Variants in DDHD1 observed in about 807,000 individuals in gnomAD.
The protein encoded by DDHD1 is phospholipase DDHD1.
Under a neutral mutation model 96.4 loss-of-function variants are expected in DDHD1, and 49 were observed. The ratio of observed to expected loss-of-function variants is 0.51; its 90% CI spans 0.40 to 0.64. DDHD1 has a LOEUF of 0.64. Among genes scored for constraint, DDHD1 ranks in the 30% least tolerant of loss-of-function variants. The probability of loss-of-function intolerance (pLI) is 0.00; values close to 1 mark genes in which losing one functional copy is unlikely to be tolerated. For synonymous variants in DDHD1, 442 were observed against 446.5 expected (o/e 0.99, Z 0.13); for missense variants, 1,106 against 1,161.2 (o/e 0.95, Z 0.69).
intron 2 of DDHD1, among the ~76,000 whole-genome samples, chr14:53,095,672 C>T (rs2139689701): frequency 6.6e-6 from 1 of 152,198 alleles, no homozygotes; most frequent in African/African-American, 2.4e-5. Flanking sequence ...AATAAAAGAG[C>T]TTTTCATAAA....
At chr14:53,068,395 C>T (rs777172790) in intron 6 of DDHD1, among the ~76,000 whole-genome samples, 1 of 151,894 alleles carries the variant, frequency 6.6e-6, no homozygotes, top group Non-Finnish European at 1.5e-5. Flanking sequence ...ACAGCCCAAA[C>T]CACCATACAT....
intron 1 of DDHD1, among the ~76,000 whole-genome samples, chr14:53,150,394 G>A (rs1416779460): frequency 6.6e-6 from 1 of 152,152 alleles, no homozygotes; most frequent in East Asian, 1.9e-4. Context: ...TTCTAGCTAA[G>A]TGGCCTTGGA....
intron 4 of DDHD1, among the ~76,000 whole-genome samples, chr14:53,084,332 T>C (rs999009515): frequency 2.6e-5 from 4 of 152,158 alleles, no homozygotes; most frequent in African/African-American, 9.7e-5. Flanking sequence ...AAATCCTGCT[T>C]TTGGCTTAAG....
intron 1 of DDHD1, chr14:53,150,182 A>G (rs997787660): frequency 6.6e-6 from 1 of 152,100 alleles, no homozygotes; most frequent in Non-Finnish European, 1.5e-5. Flanking sequence ...GCAGTTTCAG[A>G]CCTGTGTCCT....
intron 4 of DDHD1, among the ~76,000 whole-genome samples, chr14:53,081,432 GC>G (rs1224628870): frequency 6.6e-6 from 1 of 152,202 alleles, no homozygotes; most frequent in African/African-American, 2.4e-5. Context: ...TGGTACATGT[GC>G]TGCTGTTTGA....
rs142692186 is a variant in DDHD1, at chr14:53,110,573, G to A, written c.839-6717C>T. ...ATTTCACTGAAATAATTCTGTACAT[G>A]TCTGTCAGTATTTTTCTTAACTGTA... On this transcript the variant is annotated intron_variant, in intron 1 of 12. Transcript: ENST00000673822. 1.6e-3 allele frequency among the ~76,000 whole-genome samples: 246 copies of A among 152,214 alleles called. 3 individuals are homozygous for A. The highest frequency in any genetic ancestry group is 1.6e-3 in the Non-Finnish European group (110 of 68,008).
At chr14:53,103,595 T>A (rs1020090038) in intron 2 of DDHD1, 88 bp downstream of exon 2, 2 of 1,106,072 alleles carry the variant, frequency 1.8e-6, no homozygotes, top group East Asian at 5.5e-5. Flanking sequence ...ACCTCCTGAA[T>A]TATTATGTCA....
chr14:53,148,907 A>G (rs770202839), intron 1 of DDHD1, among the ~76,000 whole-genome samples: 81 of 152,372 alleles, frequency 5.3e-4, no homozygotes, highest in Non-Finnish European at 1.1e-3. Context: ...AGGATGTTAC[A>G]TATAATAATC....
chr14:53,087,196 C>G (rs1054679308), intron 4 of DDHD1, among the ~76,000 whole-genome samples: 1 of 151,822 alleles, frequency 6.6e-6, no homozygotes, highest in African/African-American at 2.4e-5. Context: ...ACTTAGACTC[C>G]CATAGAATAA....
chr14:53,081,380 T>C (rs557744121), intron 4 of DDHD1, among the ~76,000 whole-genome samples: 1 of 152,368 alleles, frequency 6.6e-6, no homozygotes, highest in African/African-American at 2.4e-5. Flanking sequence ...TTGATGGCTG[T>C]GTAGTTCTTA....
At chr14:53,061,058 G>T in intron 8 of DDHD1, 68 bp downstream of exon 8, 1 of 1,313,832 alleles carries the variant, frequency 7.6e-7, no homozygotes, top group Non-Finnish European at 1.1e-6. Context: ...AATCCTAAAG[G>T]CATATTTCAC....
chr14:53,048,689 C>T (rs1367922418), intron 12 of DDHD1: 1 of 152,118 alleles, frequency 6.6e-6, no homozygotes, highest in Non-Finnish European at 1.5e-5. Flanking sequence ...AATAACAAGT[C>T]AGAAATAGCT....
At chr14:53,091,711 T>A in intron 4 of DDHD1, 74 bp downstream of exon 4, 1 of 1,467,816 alleles carries the variant, frequency 6.8e-7, no homozygotes, top group Non-Finnish European at 9.3e-7. Flanking sequence ...TAGTATACTG[T>A]TAATATCTCT....
intron 6 of DDHD1, among the ~76,000 whole-genome samples, chr14:53,068,745 C>G (rs2139896720): frequency 6.6e-6 from 1 of 152,268 alleles, no homozygotes; most frequent in African/African-American, 2.4e-5. Context: ...CTTGATTTCT[C>G]CAGTGTATGA....
chr14:53,072,731 T>A, intron 5 of DDHD1, 28 bp from the exon 6 acceptor site: 1 of 1,513,374 alleles, frequency 6.6e-7, no homozygotes, highest in South Asian at 1.2e-5. Flanking sequence ...AAAAGCAAGT[T>A]AACTTATAGA....
At chr14:53,055,586 T>C (rs1882974200) in intron 10 of DDHD1, 74 bp downstream of exon 10, 2 of 1,358,938 alleles carry the variant, frequency 1.5e-6, no homozygotes, top group Admixed American at 2.1e-5. Context: ...ATACATAGAA[T>C]ACTTCTAGTC....
intron 3 of DDHD1, 86 bp from the exon 4 acceptor site, chr14:53,092,018 A>T: frequency 1.5e-6 from 2 of 1,370,314 alleles, no homozygotes; most frequent in Non-Finnish European, 2.0e-6. Flanking sequence ...AAAGAAGTAA[A>T]AGGAATATTA....
chr14:53,103,159 G>A, intron 2 of DDHD1: 4 of 1,117,860 alleles, frequency 3.6e-6, no homozygotes, highest in Non-Finnish European at 5.1e-6. Flanking sequence ...CTACTATACA[G>A]TATTTTGAAC....
intron 1 of DDHD1, among the ~76,000 whole-genome samples, chr14:53,119,538 G>A (rs571682238): frequency 1.1e-4 from 16 of 152,206 alleles, no homozygotes; most frequent in East Asian, 1.9e-4. Flanking sequence ...GATGAACATC[G>A]ATGTGAAAAT....
Sources: allele counts gnomAD v4.1 joint callset (sites outside exome capture counted in the v4.1 genomes callset), GRCh38; gene constraint gnomAD v4.1.1; transcripts MANE v1.5; gene names NCBI Gene and HGNC (gene_info 2026-07-23, HGNC 2026-07-21).